Variants in IMPG1 observed in about 807,000 individuals in gnomAD.
IMPG1 encodes interphotoreceptor matrix proteoglycan of 150 kDa.
In IMPG1, 85 loss-of-function variants were observed where a neutral mutation model predicts 92.0. That is an observed-to-expected ratio of 0.92 (90% confidence interval 0.78 to 1.11). The LOEUF is 1.11. IMPG1 is among the 50% of genes least tolerant of loss of function. The pLI is 0.00. For missense variants in IMPG1, 1,022 were observed against 956.0 expected (o/e 1.07, Z -0.91); for synonymous variants, 367 against 334.1 (o/e 1.10, Z -1.08).
intron 12 of IMPG1, among the ~76,000 whole-genome samples, chr6:75,979,159 T>A (rs757872813): frequency 2.6e-5 from 4 of 152,124 alleles, no homozygotes; most frequent in Non-Finnish European, 5.9e-5. Context: ...TCAAGGAATC[T>A]GCCCACTTCA....
Position 75,947,535 on chromosome 6 carries a change from T to G in IMPG1, c.1825-2A>C. Reference sequence around the variant, plus strand: ...ATTGGATCGTAGATATGGAACCAGCTGCAAAATAAAAGATGGTTTCCTCTT... The same window carrying G: ...ATTGGATCGTAGATATGGAACCAGCGGCAAAATAAAAGATGGTTTCCTCTT... On this transcript the variant is annotated splice_acceptor_variant, in intron 13 of 16. Coordinates refer to ENST00000369950, the MANE Select transcript of IMPG1 (RefSeq NM_001563.4). LOFTEE classifies it high-confidence loss of function. 2 of 1,609,096 alleles carry G rather than the reference T, an allele frequency of 1.2e-6. No individual in the cohort carries two copies. Among genetic ancestry groups the G allele is most frequent in the Non-Finnish European group, 1.7e-6 (2 of 1,176,258 alleles).
At chr6:75,993,885 G>T (rs1782855973) in intron 12 of IMPG1, among the ~76,000 whole-genome samples, 1 of 152,174 alleles carries the variant, frequency 6.6e-6, no homozygotes, top group Admixed American at 6.5e-5. Flanking sequence ...CAATAGGTTT[G>T]TCCTAACTGT....
chr6:75,972,993 A>G (rs1449913983), intron 12 of IMPG1, among the ~76,000 whole-genome samples: 1 of 152,014 alleles, frequency 6.6e-6, no homozygotes, highest in Non-Finnish European at 1.5e-5. Flanking sequence ...CTTTTTTGAG[A>G]CAGGGTCTCA....
Position 76,021,665 on chromosome 6 carries a change from G to A in IMPG1, c.666+451C>T, listed in dbSNP as rs117059872. On this transcript the variant is annotated intron_variant, in intron 6 of 16. Coordinates refer to ENST00000369950, the MANE Select transcript of IMPG1 (RefSeq NM_001563.4). ...GATATCTATTTGACCTATTCATCCCGGACATAACTGAGAACAAAACCTTCA... is the reference window on the plus strand; with the variant it reads ...GATATCTATTTGACCTATTCATCCCAGACATAACTGAGAACAAAACCTTCA... 3.5e-3 allele frequency among the ~76,000 whole-genome samples: 529 copies of A among 150,808 alleles called. 1 individual carries two copies. Among genetic ancestry groups the A allele is most frequent in the African/African-American group, 9.7e-3 (397 of 41,080 alleles).
chr6:76,056,933 G>C (rs1487736359), intron 1 of IMPG1, among the ~76,000 whole-genome samples: 1 of 152,014 alleles, frequency 6.6e-6, no homozygotes, highest in East Asian at 1.9e-4. Flanking sequence ...AAGAAAATGT[G>C]GTACATATAC....
intron 4 of IMPG1, among the ~76,000 whole-genome samples, chr6:76,032,261 C>G (rs1783665019): frequency 6.6e-6 from 1 of 151,574 alleles, no homozygotes; most frequent in Non-Finnish European, 1.5e-5. Flanking sequence ...TTGGTACATT[C>G]TGTTGATTTT....
intron 12 of IMPG1, among the ~76,000 whole-genome samples, chr6:75,974,334 T>C (rs564574504): frequency 1.1e-4 from 5 of 46,518 alleles, no homozygotes; most frequent in Admixed American, 2.3e-4. Flanking sequence ...TCTTTCCCTT[T>C]CTTTCTTTCT....
Position 76,034,718 on chromosome 6 carries a change from T to C in IMPG1, c.371A>G (p.Gln124Arg), listed in dbSNP as rs958225624. The stretch of plus-strand genomic sequence containing the variant: ...CTGCTGGCAGATGCTGACCCAGTCC[T>C]GATATTCCCCTGTGTCAGGGATGCG... ...LDRIPDTGEY[Q>R]DWVSICQQET... Residue 124 changes from glutamine (Q) to arginine (R), a missense_variant, in exon 3 of 17, where the codon CAG becomes CGG. Gln to Arg is a conservative substitution (Grantham distance 43, BLOSUM62 1). Around this residue, in one of 3 missense-constraint regions of IMPG1, gnomAD observed 681 missense variants for 583.6 expected, o/e 1.17. Coordinates refer to ENST00000369950, the MANE Select transcript of IMPG1 (RefSeq NM_001563.4). 1.9e-6 allele frequency: 3 copies of C among 1,613,980 alleles called. No homozygotes were observed. The highest frequency in any genetic ancestry group is 2.5e-6 in the Non-Finnish European group (3 of 1,179,954).
At chr6:76,004,019 A>C in intron 10 of IMPG1, 69 bp from the exon 11 acceptor site, 1 of 1,192,216 alleles carries the variant, frequency 8.4e-7, no homozygotes, top group Admixed American at 1.9e-5. Context: ...ACAATAAAAC[A>C]GTCCAGGTTG....
intron 12 of IMPG1, among the ~76,000 whole-genome samples, chr6:75,959,963 G>A (rs556691425): frequency 6.6e-6 from 1 of 152,302 alleles, no homozygotes; most frequent in East Asian, 1.9e-4. Flanking sequence ...CGGCTGCCCA[G>A]TTTTGTGCTT....
intron 12 of IMPG1, among the ~76,000 whole-genome samples, chr6:75,973,034 C>T (rs1056992825): frequency 6.6e-6 from 1 of 152,176 alleles, no homozygotes; most frequent in African/African-American, 2.4e-5. Flanking sequence ...TGCAGTAGTA[C>T]AATCATGGCT....
intron 12 of IMPG1, among the ~76,000 whole-genome samples, chr6:75,973,891 GA>G (rs1429213004): frequency 2.1e-4 from 32 of 152,344 alleles, no homozygotes; most frequent in African/African-American, 7.7e-4. Flanking sequence ...CTGCATTTGT[GA>G]AATGAGGCTG....
chr6:76,042,304 G>GAATAGTATAATGAGAAATAAGA (rs1783858874), intron 1 of IMPG1, among the ~76,000 whole-genome samples, 178 bp from the exon 2 acceptor site: 1 of 152,014 alleles, frequency 6.6e-6, no homozygotes, highest in South Asian at 2.1e-4. Context: ...AGAAATAAGA[G>GAATAGTATAATGAGAAATAAGA]AATAGTATAA....
Position 76,053,106 on chromosome 6 carries a change from G to T in IMPG1, c.68-10980C>A, listed in dbSNP as rs72891794. Among the ~76,000 whole-genome samples the T allele has an allele frequency of 4.2e-3, 638 of 152,140 alleles. 2 individuals carry two copies. The highest frequency in any genetic ancestry group is 0.014 in the Middle Eastern group (4 of 294). On this transcript the variant is annotated intron_variant, in intron 1 of 16. Coordinates refer to ENST00000369950, the MANE Select transcript of IMPG1 (RefSeq NM_001563.4). ...TGAAGTTCCACTAACCTTTTTTACT[G>T]CTCTGCCTCCCAATTCTTAATTATG...
At chr6:76,030,213 G>A (rs1783630381) in intron 4 of IMPG1, among the ~76,000 whole-genome samples, 1 of 152,068 alleles carries the variant, frequency 6.6e-6, no homozygotes, top group African/African-American at 2.4e-5. Flanking sequence ...ATTCTCTAAG[G>A]CCCTCCCTGC....
Position 75,952,977 on chromosome 6 carries a change from G to T in IMPG1, c.1292-1883C>A, listed in dbSNP as rs551118995. ...ATATTTCATTATGGAAGTCTGAGTT[G>T]ACTAAAATATCCACAAACAGATCTG... On this transcript the variant is annotated intron_variant, in intron 12 of 16. Transcript: ENST00000369950. Among the ~76,000 whole-genome samples the T allele has an allele frequency of 1.8e-4, 28 of 152,170 alleles. 2 individuals are homozygous for T. The highest frequency in any genetic ancestry group is 6.5e-4 in the Admixed American group (10 of 15,276).
chr6:76,049,170 A>G (rs1390929376), intron 1 of IMPG1, among the ~76,000 whole-genome samples: 3 of 152,204 alleles, frequency 2.0e-5, no homozygotes, highest in South Asian at 2.1e-4. Context: ...AGAGGGGAAC[A>G]ACACATGCTG....
In IMPG1 at chr6:75,951,101, A is replaced by C. The variant is rs144453358; in HGVS notation, c.1292-7T>G. The C allele has an allele frequency of 7.4e-3, 11,600 of 1,578,184 alleles. 64 individuals carry two copies. The highest frequency in any genetic ancestry group is 9.2e-3 in the Non-Finnish European group (10,681 of 1,162,448). On this transcript the variant is annotated splice_polypyrimidine_tract_variant and splice_region_variant and intron_variant, in intron 12 of 16. Transcript: ENST00000369950. ...GGTGGAGACCAAGAAGTGTCTGTGG[A>C]GGAAGTACAATTTCATTATGTCCAA...
At chr6:76,010,889 A>G (rs1483409642) in intron 8 of IMPG1, among the ~76,000 whole-genome samples, 1 of 152,236 alleles carries the variant, frequency 6.6e-6, no homozygotes, top group Non-Finnish European at 1.5e-5. Context: ...ATTCATAACC[A>G]CATGACCAAA....
Sources: allele counts gnomAD v4.1 joint callset (sites outside exome capture counted in the v4.1 genomes callset), GRCh38; gene constraint gnomAD v4.1.1; regional missense constraint gnomAD v4.1.1; transcripts MANE v1.5; gene names NCBI Gene and HGNC (gene_info 2026-07-23, HGNC 2026-07-21).